The following GMDS variants were observed in gnomAD, a reference collection of about 807,000 sequenced individuals.
GMDS encodes the protein GDP-mannose 4,6-dehydratase, also known as GDP-mannose 4,6 dehydratase.
A neutral mutation model predicts 49.9 loss-of-function variants in GMDS; 20 were observed. The ratio of observed to expected loss-of-function variants is 0.40; its 90% CI spans 0.28 to 0.58. The LOEUF (loss-of-function observed/expected upper bound fraction) is 0.58, where lower values mean the gene tolerates loss of function less well. Among genes scored for constraint, GMDS ranks in the 20% least tolerant of loss-of-function variants. The pLI is 0.42. For missense variants in GMDS, 362 were observed against 481.4 expected, an observed-to-expected ratio of 0.75 and a Z score of 2.32; for synonymous variants, 177 against 178.6, an observed-to-expected ratio of 0.99 and a Z score of 0.07.
chr6:1,761,082 C>A (rs1309043912), intron 7 of GMDS, among the ~76,000 whole-genome samples: 1 of 152,094 alleles, frequency 6.6e-6, no homozygotes, highest in Middle Eastern at 3.2e-3. Flanking sequence ...TCTAGAGAAA[C>A]CTCCCCTTCC....
At chr6:1,750,907 G>A (rs763493194) in intron 7 of GMDS, among the ~76,000 whole-genome samples, 5 of 152,146 alleles carry the variant, frequency 3.3e-5, no homozygotes, top group Non-Finnish European at 7.4e-5. Flanking sequence ...CGCCATTACT[G>A]AGGCTTGAGT....
intron 7 of GMDS, among the ~76,000 whole-genome samples, chr6:1,916,180 C>G (rs1436719797): frequency 6.6e-6 from 1 of 152,188 alleles, no homozygotes; most frequent in East Asian, 1.9e-4. Flanking sequence ...CCATTCTAGA[C>G]TGACAACATG....
intron 7 of GMDS, among the ~76,000 whole-genome samples, chr6:1,880,677 C>A (rs1198984661): frequency 6.6e-6 from 1 of 152,172 alleles, no homozygotes; most frequent in Non-Finnish European, 1.5e-5. Context: ...CTACCTTTCA[C>A]TGTGAAAGCA....
At chr6:1,771,679 C>T (rs1768581140) in intron 7 of GMDS, among the ~76,000 whole-genome samples, 1 of 152,234 alleles carries the variant, frequency 6.6e-6, no homozygotes, top group South Asian at 2.1e-4. Context: ...GCAAATCTTA[C>T]TGTAACCTGT....
chr6:1,692,722 T>C (rs1353432613), intron 9 of GMDS, among the ~76,000 whole-genome samples: 1 of 152,250 alleles, frequency 6.6e-6, no homozygotes, highest in Non-Finnish European at 1.5e-5. Flanking sequence ...ACATTATAGA[T>C]TTCATCTTTA....
chr6:2,031,913 T>C (rs140078556), intron 4 of GMDS, among the ~76,000 whole-genome samples: 338 of 152,358 alleles, frequency 2.2e-3, no homozygotes, highest in Non-Finnish European at 3.8e-3. Flanking sequence ...AGTTTGAAAA[T>C]ACAATTAACA....
rs1041277767 is a variant in GMDS at position 2,118,718 on chromosome 6, A to G, written c.148-1162T>C. Among the ~76,000 whole-genome samples, 4 of 152,340 alleles carry G rather than the reference A, an allele frequency of 2.6e-5. 1 individual carries two copies. The South Asian group carries it at 8.3e-4, about 32-fold the overall frequency. ...ATCAACATTATTTTCCAAAAGAACGAAACCCAAGAAAAGTTGGTAAACACG... is the reference window on the plus strand; with the variant it reads ...ATCAACATTATTTTCCAAAAGAACGGAACCCAAGAAAAGTTGGTAAACACG... On this transcript the variant is annotated intron_variant, in intron 2 of 10. Transcript: ENST00000380815.
intron 7 of GMDS, among the ~76,000 whole-genome samples, chr6:1,760,285 T>C (rs1211464841): frequency 1.3e-5 from 2 of 152,296 alleles, no homozygotes; most frequent in Non-Finnish European, 1.5e-5. Context: ...AAAGAGCAAA[T>C]AGGACTTCTG....
intron 7 of GMDS, among the ~76,000 whole-genome samples, chr6:1,925,630 A>G (rs1761958770): frequency 6.6e-6 from 1 of 152,210 alleles, no homozygotes; most frequent in African/African-American, 2.4e-5. Flanking sequence ...ATGGAAATTC[A>G]CTGACAAGTA....
At chr6:2,174,798 A>G (rs569443715) in intron 1 of GMDS, among the ~76,000 whole-genome samples, 1 of 152,104 alleles carries the variant, frequency 6.6e-6, no homozygotes, top group South Asian at 2.1e-4. Context: ...CGAACTCCTG[A>G]CCTCAAGTGA....
chr6:2,034,240 T>C (rs1229041247), intron 4 of GMDS, among the ~76,000 whole-genome samples: 1 of 152,194 alleles, frequency 6.6e-6, no homozygotes, highest in Non-Finnish European at 1.5e-5. Context: ...ATCTCTGTTG[T>C]ATAATCATCT....
chr6:1,831,307 T>G (rs1048619961), intron 7 of GMDS, among the ~76,000 whole-genome samples: 5 of 152,366 alleles, frequency 3.3e-5, no homozygotes, highest in African/African-American at 1.2e-4. Flanking sequence ...AGAATGCCTG[T>G]ACTCTGGATC....
intron 7 of GMDS, among the ~76,000 whole-genome samples, chr6:1,800,218 T>C (rs1769895031): frequency 6.6e-6 from 1 of 152,194 alleles, no homozygotes; most frequent in African/African-American, 2.4e-5. Context: ...AGTAACATGA[T>C]ATATGGAAAT....
intron 6 of GMDS, among the ~76,000 whole-genome samples, chr6:1,946,712 C>T (rs570432855): frequency 4.6e-5 from 7 of 152,252 alleles, no homozygotes; most frequent in African/African-American, 1.7e-4. Context: ...GAAGTGATCA[C>T]AGGGCATGCT....
rs1445453730 is a variant in GMDS, at chr6:1,811,510, C to A, written c.772-68924G>T. On this transcript the variant is annotated intron_variant, in intron 7 of 10. Coordinates refer to ENST00000380815, the MANE Select transcript of GMDS (RefSeq NM_001500.4). The stretch of plus-strand genomic sequence containing the variant: ...TTCATTTTATTGTATCTTTAAGACA[C>A]AAAATCTTATTTGTACAATAATTAA... 2.1e-5 allele frequency among the ~76,000 whole-genome samples: 3 copies of A among 143,778 alleles called. No homozygotes were observed. The East Asian group carries it at 6.4e-4, about 31-fold the overall frequency. The allele number at this position is 143,778 out of a possible 152,430, so 94.3% of individuals were successfully genotyped here.
At chr6:1,712,483 G>A (rs757623549) in intron 9 of GMDS, among the ~76,000 whole-genome samples, 17 of 152,104 alleles carry the variant, frequency 1.1e-4, no homozygotes, top group Non-Finnish European at 1.6e-4. Context: ...AACTGATATC[G>A]ATGGTTTACA....
chr6:1,894,901 C>T (rs1275230086), intron 7 of GMDS, among the ~76,000 whole-genome samples: 2 of 152,168 alleles, frequency 1.3e-5, no homozygotes, highest in Admixed American at 6.5e-5. Context: ...TTATTACCTA[C>T]TGAAAATCTT....
At chr6:1,901,763 C>T (rs898563863) in intron 7 of GMDS, among the ~76,000 whole-genome samples, 2 of 152,166 alleles carry the variant, frequency 1.3e-5, no homozygotes, top group South Asian at 2.1e-4. Context: ...GTATACTGAG[C>T]TCATCCTATG....
At chr6:1,868,788 T>A (rs1238165390) in intron 7 of GMDS, among the ~76,000 whole-genome samples, 1 of 152,202 alleles carries the variant, frequency 6.6e-6, no homozygotes, top group Non-Finnish European at 1.5e-5. Flanking sequence ...ATTCAGAGGC[T>A]CAATATCCAG....
Sources: allele counts gnomAD v4.1 joint callset (sites outside exome capture counted in the v4.1 genomes callset), GRCh38; gene constraint gnomAD v4.1.1; transcripts MANE v1.5; gene names NCBI Gene and HGNC (gene_info 2026-07-23, HGNC 2026-07-21).